Variants in NRAP observed in about 807,000 individuals in gnomAD.
The protein encoded by NRAP is nebulin related anchoring protein.
NRAP carries 189 observed loss-of-function variants against 225.9 expected under a neutral mutation model. The observed-to-expected ratio is 0.84, with a 90% CI of 0.74 to 0.94. NRAP has a LOEUF of 0.94. Ranked by LOEUF, NRAP falls within the 40% of genes least tolerant of loss-of-function variation. The pLI is 0.00. For synonymous variants in NRAP, 769 were observed against 790.7 expected (o/e 0.97, Z 0.46); for missense variants, 2,176 against 2,168.7 (o/e 1.00, Z -0.07).
At chr10:113,620,847 C>T in intron 24 of NRAP, 139 bp from the exon 25 acceptor site, 1 of 657,504 alleles carries the variant, frequency 1.5e-6, no homozygotes, top group Non-Finnish European at 2.7e-6. Flanking sequence ...TGCATTTCTG[C>T]AAAGTCACAG....
At chr10:113,618,148 C>CAA (rs372609403) in intron 25 of NRAP, among the ~76,000 whole-genome samples, 348 of 112,214 alleles carry the variant, frequency 3.1e-3, no homozygotes, top group Middle Eastern at 9.2e-3. Context: ...GACACTGAAG[C>CAA]AAAAAAAAAA....
intron 25 of NRAP, 139 bp downstream of exon 25, chr10:113,620,465 G>C: frequency 1.5e-6 from 1 of 645,480 alleles, no homozygotes; most frequent in Non-Finnish European, 2.7e-6. Context: ...CTAATTACCA[G>C]CCCTAGTCTG....
In NRAP at chr10:113,597,186, T is replaced by C. The variant is rs1382809664; in HGVS notation, c.4333-2A>G. Reference sequence around the variant, plus strand: ...GTCTGGTTTTTTACGGTACTTGGTCTATAAGATAAAGACAAAGATTCTCAT... The same window carrying C: ...GTCTGGTTTTTTACGGTACTTGGTCCATAAGATAAAGACAAAGATTCTCAT... On this transcript the variant is annotated splice_acceptor_variant, in intron 36 of 41. Coordinates refer to ENST00000359988, the MANE Select transcript of NRAP (RefSeq NM_198060.4). LOFTEE classifies it high-confidence loss of function. 6.3e-7 allele frequency: 1 copy of C among 1,591,082 alleles called. No individual in the cohort carries two copies. Among genetic ancestry groups the C allele is most frequent in the South Asian group, 1.1e-5 (1 of 90,630 alleles).
At chr10:113,591,292 A>C (rs553847473) in intron 39 of NRAP, among the ~76,000 whole-genome samples, 4 of 152,356 alleles carry the variant, frequency 2.6e-5, no homozygotes, top group Non-Finnish European at 5.9e-5. Flanking sequence ...TCCAGCTTTT[A>C]GGGACCTAGT....
At chr10:113,622,571 G>T (rs994044570) in intron 23 of NRAP, among the ~76,000 whole-genome samples, 2 of 152,108 alleles carry the variant, frequency 1.3e-5, no homozygotes, top group Non-Finnish European at 2.9e-5. Flanking sequence ...ATAACACTAG[G>T]TCGAGAGTAA....
At chr10:113,656,787 T>C (rs1048336481) in intron 4 of NRAP, among the ~76,000 whole-genome samples, 1 of 152,084 alleles carries the variant, frequency 6.6e-6, no homozygotes, top group Non-Finnish European at 1.5e-5. Context: ...TGCAAATCAA[T>C]AGAGAAAAGT....
intron 25 of NRAP, among the ~76,000 whole-genome samples, chr10:113,619,352 C>T (rs1297543733): frequency 1.3e-5 from 2 of 152,128 alleles, no homozygotes; most frequent in Non-Finnish European, 2.9e-5. Flanking sequence ...TTTATCCTCC[C>T]AGAGGGCCTC....
intron 11 of NRAP, among the ~76,000 whole-genome samples, chr10:113,644,962 GAGA>G (rs996443478): frequency 6.6e-6 from 1 of 152,172 alleles, no homozygotes; most frequent in Non-Finnish European, 1.5e-5. Context: ...ACTAGGGCAT[GAGA>G]AGGATATGAG....
At chr10:113,615,397 A>T (rs1394372603) in intron 27 of NRAP, among the ~76,000 whole-genome samples, 1 of 152,058 alleles carries the variant, frequency 6.6e-6, no homozygotes, top group Non-Finnish European at 1.5e-5. Flanking sequence ...TAGCCACTGG[A>T]TATACTCAGC....
intron 14 of NRAP, among the ~76,000 whole-genome samples, chr10:113,639,091 C>CAAAAAAAAAA (rs60509891): frequency 1.7e-5 from 2 of 115,820 alleles, no homozygotes; most frequent in Admixed American, 8.5e-5. Context: ...ATGTATATAG[C>CAAAAAAAAAA]AAAAAAAAAA....
At chr10:113,641,620 G>T in intron 12 of NRAP, 148 bp from the exon 13 acceptor site, 1 of 564,512 alleles carries the variant, frequency 1.8e-6, no homozygotes. Context: ...TAAAAAATAA[G>T]GCAAACTTTT....
chr10:113,642,396 A>G (rs1180111908), intron 12 of NRAP, among the ~76,000 whole-genome samples: 3 of 152,198 alleles, frequency 2.0e-5, no homozygotes, highest in African/African-American at 4.8e-5. Context: ...ATTATGTGCA[A>G]CTAAGCAAAA....
chr10:113,589,897 T>TATG, intron 40 of NRAP, 100 bp from the exon 41 acceptor site: 2 of 1,321,988 alleles, frequency 1.5e-6, no homozygotes, highest in Non-Finnish European at 2.1e-6. Context: ...AGTATGAGAC[T>TATG]ATGTTGTCTG....
intron 14 of NRAP, among the ~76,000 whole-genome samples, chr10:113,636,446 C>T (rs10509983): frequency 0.29 from 43,633 of 152,040 alleles, 6,392 homozygotes; most frequent in Middle Eastern, 0.39. Flanking sequence ...TCTTTGCAAC[C>T]CAAAAGTCAC....
At chr10:113,631,660 T>C in intron 17 of NRAP, 50 bp from the exon 18 acceptor site, 1 of 1,227,912 alleles carries the variant, frequency 8.1e-7, no homozygotes, top group Non-Finnish European at 1.2e-6. Flanking sequence ...AACTTTGCCG[T>C]CTAAGGGGCT....
At chr10:113,657,126 G>A (rs372686345) in intron 4 of NRAP, among the ~76,000 whole-genome samples, 20 of 152,220 alleles carry the variant, frequency 1.3e-4, no homozygotes, top group South Asian at 6.2e-4. Context: ...GGGAGGCCTC[G>A]TAAAGGTCCA....
rs1304592317 is a variant in NRAP at position 113,640,327 on chromosome 10, G to A, written c.1328C>T (p.Ala443Val). The A allele has an allele frequency of 6.4e-6, 10 of 1,561,512 alleles. No individual in the cohort carries two copies. Among genetic ancestry groups the A allele is most frequent in the African/African-American group, 4.2e-5 (3 of 71,894 alleles). Residue 443 changes from alanine to valine, a missense_variant, in exon 14 of 42, where the codon GCC (alanine) becomes GTC (valine). Ala to Val is a moderately conservative substitution (Grantham distance 64). This residue lies in a region of NRAP where 1,708 missense variants were observed against 1,695.5 expected (regional missense o/e 1.01). Transcript: ENST00000359988. ...ATCATGTTTATAATCAGCTTTGTAG[G>A]CAACCTAAAACAGGAAGAAAAGAAG... ...MKVGSLASNV[A>V]YKADYKHDIV...
chr10:113,652,220 T>C (rs1346704905), intron 6 of NRAP, among the ~76,000 whole-genome samples: 1 of 152,188 alleles, frequency 6.6e-6, no homozygotes, highest in Non-Finnish European at 1.5e-5. Flanking sequence ...AATTAAGTAA[T>C]TTGTCCATGG....
intron 3 of NRAP, among the ~76,000 whole-genome samples, chr10:113,660,140 A>G (rs747746190): frequency 3.3e-5 from 5 of 152,064 alleles, no homozygotes; most frequent in Non-Finnish European, 5.9e-5. Context: ...ATACATATAT[A>G]CACTCACTAT....
Sources: gnomAD v4.1 joint callset for allele counts (sites outside exome capture counted in the v4.1 genomes callset) on GRCh38, gnomAD v4.1.1 for gene constraint, gnomAD v4.1.1 regional missense constraint, MANE v1.5 for transcripts, NCBI Gene and HGNC (gene_info 2026-07-23, HGNC 2026-07-21) for gene names.